Variants in CYLC1 observed in about 807,000 individuals in gnomAD.
CYLC1 encodes the protein cylicin-1.
In CYLC1, 2 loss-of-function variants were observed where a neutral mutation model predicts 31.6. The ratio of observed to expected loss-of-function variants is 0.06; its 90% CI spans 0.03 to 0.20. CYLC1 has a LOEUF of 0.20. Among genes scored for constraint, CYLC1 ranks in the 10% least tolerant of loss-of-function variants. The pLI, the probability that CYLC1 is intolerant of heterozygous loss-of-function variation, is 1.00. For synonymous variants in CYLC1, 185 were observed against 153.0 expected (o/e 1.21, Z -1.54); for missense variants, 595 against 424.1 (o/e 1.40, Z -3.54).
intron 4 of CYLC1, among the ~76,000 whole-genome samples, chrX:83,884,261 T>C (rs2031952693): frequency 9.0e-6 from 1 of 111,621 alleles, no homozygotes; most frequent in African/African-American, 3.3e-5. Flanking sequence ...TTAGCCTACT[T>C]TTTGATGACA....
At chrX:83,876,034 T>C (rs73625963) in intron 4 of CYLC1, among the ~76,000 whole-genome samples, 38 of 111,183 alleles carry the variant, frequency 3.4e-4, no homozygotes, top group African/African-American at 1.1e-3. Context: ...TTATATTTCC[T>C]CTTTTAGGCT....
Position 83,874,058 on chromosome X carries a change from G to A in CYLC1, c.1350G>A (p.Pro450=), listed in dbSNP as rs751849092. The A allele has an allele frequency of 6.9e-5, 83 of 1,200,448 alleles. No homozygotes were observed. The highest frequency in any genetic ancestry group is 8.9e-5 in the Non-Finnish European group (79 of 889,908). Residue 450 remains proline, a synonymous_variant, in exon 4 of 5, where the codon CCG becomes CCA. Coordinates refer to ENST00000329312, the MANE Select transcript of CYLC1 (RefSeq NM_021118.3). ...AGTCTACTGATGCTGACTCTGAACC[G>A]AAGGGAGATTCAAAAAAGGGTAAAA... ...DEESTDADSE[P]KGDSKKGKKD... is the part of the protein sequence containing the mutation.
chrX:83,868,570 G>A (rs2031621590), intron 1 of CYLC1, among the ~76,000 whole-genome samples: 1 of 110,693 alleles, frequency 9.0e-6, no homozygotes, highest in South Asian at 3.7e-4. Context: ...GACTGATTCT[G>A]GTGCTTATTG....
intron 1 of CYLC1, among the ~76,000 whole-genome samples, chrX:83,865,867 A>G (rs1370141439): frequency 9.0e-6 from 1 of 111,685 alleles, no homozygotes; most frequent in East Asian, 2.8e-4. Context: ...GTACGGTAAG[A>G]TTCAAAACTT....
At position 83,863,363 on chromosome X, in the gene CYLC1, C is replaced by G. The variant is rs138066385; in HGVS notation, c.17+2164C>G. On this transcript the variant is annotated intron_variant, in intron 1 of 4. Coordinates refer to ENST00000329312, the MANE Select transcript of CYLC1 (RefSeq NM_021118.3). ...GATCATTGATTCTACTACCTTTTCC[C>G]TGTTCCTTGCTAATGACCTTTCTGT... 1.2e-3 allele frequency among the ~76,000 whole-genome samples: 134 copies of G among 111,087 alleles called. 1 individual carries two copies. Among genetic ancestry groups the G allele is most frequent in the African/African-American group, 4.3e-3 (131 of 30,546 alleles).
rs371774903 is a variant in CYLC1 at position 83,886,617 on chromosome X, C to T, written c.*33C>T. 1.4e-4 allele frequency: 161 copies of T among 1,149,419 alleles called. 1 individual carries two copies. The highest frequency in any genetic ancestry group is 1.4e-4 in the Non-Finnish European group (119 of 841,877). The allele number at this position is 1,149,419 out of a possible 1,213,427, so 94.7% of individuals were successfully genotyped here. A position where few individuals can be genotyped will look rare whatever the true frequency, so the allele number is the denominator to read the frequency against. On this transcript the variant is annotated 3_prime_UTR_variant, in exon 5 of 5. Transcript: ENST00000329312. Reference sequence around the variant, plus strand: ...CTGAGCACTTGGTTTCACAGAATGGCCTTACCACAGTAAGCACCACCTACT... The same window carrying T: ...CTGAGCACTTGGTTTCACAGAATGGTCTTACCACAGTAAGCACCACCTACT...
At chrX:83,866,408 T>C (rs2147777094) in intron 1 of CYLC1, among the ~76,000 whole-genome samples, 1 of 111,449 alleles carries the variant, frequency 9.0e-6, no homozygotes, top group East Asian at 2.8e-4. Context: ...CTTTCAGCTC[T>C]ATCCTCAGAG....
chrX:83,874,028 TGAA>T lies in CYLC1; in HGVS notation c.1323_1325del (p.Glu442del). On this transcript the variant is annotated inframe_deletion, in exon 4 of 5. Transcript: ENST00000329312. ...ATAATAAAAAGTCTGTCAAGAATGATGAAGAGTCTACTGATGCTGACTCTGAAC... is the reference window on the plus strand; with the variant it reads ...ATAATAAAAAGTCTGTCAAGAATGATGAGTCTACTGATGCTGACTCTGAAC... The T allele has an allele frequency of 8.3e-7, 1 of 1,199,885 alleles. No individual in the cohort carries two copies. Among genetic ancestry groups the T allele is most frequent in the Non-Finnish European group, 1.1e-6 (1 of 889,883 alleles).
chrX:83,875,097 C>CA (rs938611524), intron 4 of CYLC1, among the ~76,000 whole-genome samples: 1 of 111,177 alleles, frequency 9.0e-6, no homozygotes, highest in African/African-American at 3.3e-5. Context: ...TTCAACTGTG[C>CA]AAAAAAATTA....
chrX:83,878,473 A>G (rs1400058650), intron 4 of CYLC1, among the ~76,000 whole-genome samples: 12 of 66,012 alleles, frequency 1.8e-4, no homozygotes, highest in African/African-American at 7.5e-4. Context: ...AAATATATAT[A>G]TAAATATATA....
chrX:83,866,145 T>A (rs1228758415), intron 1 of CYLC1, among the ~76,000 whole-genome samples: 1 of 111,425 alleles, frequency 9.0e-6, no homozygotes, highest in African/African-American at 3.3e-5. Context: ...TGGGGTGAAA[T>A]TACCCTATAT....
chrX:83,884,256 C>T lies in CYLC1; in HGVS notation c.1924-2296C>T, dbSNP rs187434737. Among the ~76,000 whole-genome samples the T allele has an allele frequency of 1.2e-3, 129 of 111,160 alleles. 1 individual carries two copies. The highest frequency in any genetic ancestry group is 1.9e-3 in the Non-Finnish European group (103 of 52,847). Reference sequence around the variant, plus strand: ...GAAGAATGTTATTCATGTTCTTAGCCTACTTTTTGATGACATTGTTTGGTT... The same window carrying T: ...GAAGAATGTTATTCATGTTCTTAGCTTACTTTTTGATGACATTGTTTGGTT... On this transcript the variant is annotated intron_variant, in intron 4 of 4. Coordinates refer to ENST00000329312, the MANE Select transcript of CYLC1 (RefSeq NM_021118.3).
Position 83,886,664 on chromosome X carries a change from C to A in CYLC1, c.*80C>A. ...TACTCTCAAATGAGCATTTCTACCT[C>A]TGTGGAACTGAAATAAAAACAAGTC... On this transcript the variant is annotated 3_prime_UTR_variant, in exon 5 of 5. Coordinates refer to ENST00000329312, the MANE Select transcript of CYLC1 (RefSeq NM_021118.3). 1.2e-6 allele frequency: 1 copy of A among 845,681 alleles called. No homozygotes were observed. Among genetic ancestry groups the A allele is most frequent in the Non-Finnish European group, 1.7e-6 (1 of 579,695 alleles). The allele number at this position is 845,681 out of a possible 1,213,427, so 69.7% of individuals were successfully genotyped here. A position where few individuals can be genotyped will look rare whatever the true frequency, so the allele number is the denominator to read the frequency against.
intron 4 of CYLC1, among the ~76,000 whole-genome samples, chrX:83,877,023 C>T (rs1322378729): frequency 1.8e-5 from 2 of 111,280 alleles, no homozygotes; most frequent in Non-Finnish European, 3.8e-5. Flanking sequence ...GCATCTCATA[C>T]TTAAAATGTT....
intron 2 of CYLC1, among the ~76,000 whole-genome samples, chrX:83,870,865 T>C (rs1362756459): frequency 9.0e-6 from 1 of 111,053 alleles, no homozygotes; most frequent in East Asian, 2.8e-4. Context: ...CAAGTATGTA[T>C]ATGGCCTTCT....
chrX:83,877,022 A>G (rs1471184949), intron 4 of CYLC1, among the ~76,000 whole-genome samples: 1 of 111,170 alleles, frequency 9.0e-6, no homozygotes, highest in Non-Finnish European at 1.9e-5. Context: ...GGCATCTCAT[A>G]CTTAAAATGT....
In CYLC1 at chrX:83,879,708, T is replaced by C. The variant is rs777892805; in HGVS notation, c.1923+5077T>C. On this transcript the variant is annotated intron_variant, in intron 4 of 4. Coordinates refer to ENST00000329312, the MANE Select transcript of CYLC1 (RefSeq NM_021118.3). ...CCATACGTCTTTCTAAGGTTCACTT[T>C]ACCATATCAAACATTCAAACACACA... Among the ~76,000 whole-genome samples, 7 of 100,709 alleles carry C rather than the reference T, an allele frequency of 7.0e-5. 1 individual carries two copies. The Admixed American group carries it at 8.3e-4, about 12-fold the overall frequency. The allele number at this position is 100,709 out of a possible 115,157, so 87.5% of individuals were successfully genotyped here. A position where few individuals can be genotyped will look rare whatever the true frequency, so the allele number is the denominator to read the frequency against.
intron 4 of CYLC1, among the ~76,000 whole-genome samples, chrX:83,884,137 A>C (rs763659574): frequency 1.8e-5 from 2 of 111,889 alleles, no homozygotes; most frequent in South Asian, 7.4e-4. Flanking sequence ...TGGGAGAAAG[A>C]GTTGGCAAGT....
chrX:83,881,488 T>G (rs1470412124), intron 4 of CYLC1, among the ~76,000 whole-genome samples: 1 of 108,894 alleles, frequency 9.2e-6, no homozygotes, highest in African/African-American at 3.4e-5. Context: ...ATAACAGTGA[T>G]GGACTACGGA....
Sources: allele counts gnomAD v4.1 joint callset (sites outside exome capture counted in the v4.1 genomes callset), GRCh38; gene constraint gnomAD v4.1.1; transcripts MANE v1.5; gene names NCBI Gene and HGNC (gene_info 2026-07-23, HGNC 2026-07-21).